Variants in ZDHHC14 observed in about 807,000 individuals in gnomAD.
ZDHHC14 encodes the protein zDHHC palmitoyltransferase 14, also known as palmitoyltransferase ZDHHC14.
ZDHHC14 carries 16 observed loss-of-function variants against 47.7 expected under a neutral mutation model. The observed-to-expected ratio is 0.34, with a 90% confidence interval of 0.23 to 0.51. The LOEUF is 0.51. ZDHHC14 is among the 20% of genes least tolerant of loss of function. ZDHHC14 has a pLI of 0.97. For synonymous variants in ZDHHC14, 293 were observed against 278.9 expected (o/e 1.05, Z -0.50); for missense variants, 515 against 662.5 (o/e 0.78, Z 2.44).
intron 2 of ZDHHC14, among the ~76,000 whole-genome samples, chr6:157,567,708 T>C (rs1315192097): frequency 6.6e-6 from 1 of 151,810 alleles, no homozygotes; most frequent in East Asian, 1.9e-4. Context: ...TCCCAGCTAC[T>C]TGGGACGCTG....
chr6:157,427,018 G>T lies in ZDHHC14; in HGVS notation c.245+44752G>T, dbSNP rs111953599. Reference sequence around the variant, plus strand: ...AGATAGTGTCTGGAGGAGAAGGTAGGTGAGGAATCGGTCTAGAGGAAAAGG... The same window carrying T: ...AGATAGTGTCTGGAGGAGAAGGTAGTTGAGGAATCGGTCTAGAGGAAAAGG... On this transcript the variant is annotated intron_variant, in intron 1 of 8. Coordinates refer to ENST00000359775, the MANE Select transcript of ZDHHC14 (RefSeq NM_024630.3). The surrounding 1 kb of genome is among the most constrained non-coding windows in gnomAD (Gnocchi z 4.4). 2.6e-5 allele frequency among the ~76,000 whole-genome samples: 4 copies of T among 152,304 alleles called. No homozygotes were observed. In the South Asian group the frequency reaches 8.3e-4, roughly 32 times the overall value.
chr6:157,468,768 G>C (rs1214129447), intron 1 of ZDHHC14, among the ~76,000 whole-genome samples: 1 of 152,198 alleles, frequency 6.6e-6, no homozygotes, highest in African/African-American at 2.4e-5. Context: ...GTAATTTATT[G>C]AGGACCTACT....
chr6:157,561,290 C>T (rs1487753104), intron 2 of ZDHHC14, among the ~76,000 whole-genome samples: 2 of 152,180 alleles, frequency 1.3e-5, no homozygotes, highest in African/African-American at 4.8e-5. Flanking sequence ...GAGTTTTCAT[C>T]AAACACCTGC....
chr6:157,645,989 C>T (rs1777535269), intron 6 of ZDHHC14, 150 bp downstream of exon 6: 1 of 625,464 alleles, frequency 1.6e-6, no homozygotes, highest in Non-Finnish European at 2.7e-6. Flanking sequence ...GTGGAAACTT[C>T]TCCACCTGCC....
chr6:157,587,449 C>G (rs1009003075), intron 2 of ZDHHC14, among the ~76,000 whole-genome samples: 2 of 152,214 alleles, frequency 1.3e-5, no homozygotes, highest in African/African-American at 4.8e-5. Flanking sequence ...ATGCCTGTGA[C>G]ATTAGTGCCA....
intron 3 of ZDHHC14, among the ~76,000 whole-genome samples, chr6:157,621,969 C>T (rs923873512): frequency 6.6e-5 from 10 of 152,216 alleles, no homozygotes; most frequent in Admixed American, 3.3e-4. Flanking sequence ...TGATTTCCTC[C>T]GCTGTCAGAT....
chr6:157,579,207 T>G (rs1479864813), intron 2 of ZDHHC14, among the ~76,000 whole-genome samples: 2 of 136,740 alleles, frequency 1.5e-5, no homozygotes, highest in Non-Finnish European at 3.1e-5. Flanking sequence ...TTTTTTTTTT[T>G]TTTTTTTTTG....
rs1463741963 is a variant in ZDHHC14 at position 157,453,873 on chromosome 6, T to TA, written c.245+71608dup. Among the ~76,000 whole-genome samples the TA allele has an allele frequency of 2.0e-5, 3 of 152,038 alleles. No homozygotes were observed. In the East Asian group the frequency reaches 5.8e-4, roughly 29 times the overall value. ...TGTCTGCTTTACTTCTGGTGGCCGA[T>TA]ACCTTCTTTTTTATTCTGCCTCTGA... On this transcript the variant is annotated intron_variant, in intron 1 of 8. Transcript: ENST00000359775.
rs149509810 is a variant in ZDHHC14 at position 157,585,526 on chromosome 6, T to C, written c.407-7462T>C. ...GCCACAGGTGTTTGTGATCTCCAGA[T>C]GAGAGAAAGACTTCATGATTGGCCA... On this transcript the variant is annotated intron_variant, in intron 2 of 8. Transcript: ENST00000359775. Among the ~76,000 whole-genome samples, 765 of 152,060 alleles carry C rather than the reference T, an allele frequency of 5.0e-3. 5 individuals carry two copies. Among genetic ancestry groups the C allele is most frequent in the Non-Finnish European group, 5.5e-3 (372 of 67,996 alleles).
chr6:157,534,514 C>T (rs1781471719), intron 1 of ZDHHC14, among the ~76,000 whole-genome samples: 1 of 151,844 alleles, frequency 6.6e-6, no homozygotes, highest in Non-Finnish European at 1.5e-5. Context: ...ACCCAGAAGC[C>T]TCTGGCTTCC....
At chr6:157,650,380 C>A (rs1374616666) in intron 7 of ZDHHC14, among the ~76,000 whole-genome samples, 1 of 151,944 alleles carries the variant, frequency 6.6e-6, no homozygotes, top group East Asian at 1.9e-4. Context: ...GGGAGCTGGG[C>A]CGAGAACCAA....
chr6:157,433,032 T>C (rs973871292), intron 1 of ZDHHC14, among the ~76,000 whole-genome samples: 2 of 152,276 alleles, frequency 1.3e-5, no homozygotes, highest in Non-Finnish European at 2.9e-5. Context: ...GCCATGGGGC[T>C]ACAGCATCTC....
At chr6:157,491,429 A>G (rs1192275368) in intron 1 of ZDHHC14, among the ~76,000 whole-genome samples, 3 of 152,344 alleles carry the variant, frequency 2.0e-5, no homozygotes, top group Non-Finnish European at 2.9e-5. Flanking sequence ...TGGGCATGCC[A>G]TAAATATTTA....
chr6:157,561,992 T>G (rs1333239768), intron 2 of ZDHHC14, among the ~76,000 whole-genome samples: 2 of 152,004 alleles, frequency 1.3e-5, no homozygotes, highest in Non-Finnish European at 2.9e-5. Flanking sequence ...GTATCTGAGG[T>G]TTTTGTGGGT....
rs113163976 is a variant in ZDHHC14, at chr6:157,613,061, A to G, written c.566-15288A>G. Among the ~76,000 whole-genome samples, 191 of 152,318 alleles carry G rather than the reference A, an allele frequency of 1.3e-3. 2 individuals are homozygous for G. The highest frequency in any genetic ancestry group is 4.4e-3 in the African/African-American group (184 of 41,564). On this transcript the variant is annotated intron_variant, in intron 3 of 8. Transcript: ENST00000359775. ...CTGATCAAGAGCTAGTAATCCTTGC[A>G]CAGTTCTGGGAGGGTGGAAATGCCA...
chr6:157,480,165 T>G (rs1779587868), intron 1 of ZDHHC14, among the ~76,000 whole-genome samples: 1 of 151,880 alleles, frequency 6.6e-6, no homozygotes, highest in Admixed American at 6.6e-5. Flanking sequence ...AGGGGAGTGT[T>G]TCATCACTGA....
chr6:157,623,096 G>C (rs1785258576), intron 3 of ZDHHC14, among the ~76,000 whole-genome samples: 1 of 152,150 alleles, frequency 6.6e-6, no homozygotes, highest in African/African-American at 2.4e-5. Flanking sequence ...AGGTATTCCA[G>C]CCATCCCCCA....
chr6:157,540,910 G>GTATATATATA (rs1554264587), intron 1 of ZDHHC14, among the ~76,000 whole-genome samples: 8 of 122,990 alleles, frequency 6.5e-5, no homozygotes, highest in African/African-American at 3.5e-4. Flanking sequence ...GTGTGTGTGT[G>GTATATATATA]TATATATATA....
At chr6:157,521,296 A>G (rs1780902042) in intron 1 of ZDHHC14, among the ~76,000 whole-genome samples, 1 of 152,194 alleles carries the variant, frequency 6.6e-6, no homozygotes, top group Non-Finnish European at 1.5e-5. Context: ...ATCACACAAT[A>G]TGGGCTCAAA....
Sources: allele counts gnomAD v4.1 joint callset (sites outside exome capture counted in the v4.1 genomes callset), GRCh38; gene constraint gnomAD v4.1.1; non-coding constraint Gnocchi (gnomAD v3.1); transcripts MANE v1.5; gene names NCBI Gene and HGNC (gene_info 2026-07-23, HGNC 2026-07-21).